LARP1: variants seen among roughly 807,000 people sequenced by gnomAD.
The protein encoded by LARP1 is La ribonucleoprotein 1, translational regulator.
In LARP1, 36 loss-of-function variants were observed where a neutral mutation model predicts 122.7. That is an observed-to-expected ratio of 0.29 (90% CI 0.22 to 0.39). LARP1 has a LOEUF of 0.39. LARP1 is among the 10% of genes least tolerant of loss of function. The probability of loss-of-function intolerance (pLI) is 1.00; values close to 1 mark genes in which losing one functional copy is unlikely to be tolerated. For missense variants in LARP1, 1,040 were observed against 1,403.6 expected, an observed-to-expected ratio of 0.74 and a Z score of 4.14; for synonymous variants, 539 against 528.7, an observed-to-expected ratio of 1.02 and a Z score of -0.27.
At chr5:154,761,207 C>T (rs963996804) in intron 1 of LARP1, among the ~76,000 whole-genome samples, 5 of 152,204 alleles carry the variant, frequency 3.3e-5, no homozygotes, top group Admixed American at 6.5e-5. Flanking sequence ...GGCCCCTTTC[C>T]TTTTGCACAG....
intron 1 of LARP1, among the ~76,000 whole-genome samples, chr5:154,707,134 A>T (rs1221615112): frequency 6.6e-6 from 1 of 152,112 alleles, no homozygotes; most frequent in African/African-American, 2.4e-5. Flanking sequence ...CAAAAGTTGT[A>T]GGGCCTGGGA....
Position 154,802,436 on chromosome 5 carries a change from T to G in LARP1, c.2109+37T>G, listed in dbSNP as rs75657991. 0.082 allele frequency: 127,427 copies of G among 1,547,102 alleles called. 6,038 individuals are homozygous for G. Among genetic ancestry groups the G allele is most frequent in the Admixed American group, 0.18 (9,517 of 52,022 alleles). On this transcript the variant is annotated intron_variant, in intron 11 of 18. Coordinates refer to ENST00000518297, the MANE Select transcript of LARP1 (RefSeq NM_033551.3). The surrounding 1 kb of genome is among the most constrained non-coding windows in gnomAD (Gnocchi z 5.1). ...ACATAGCAGTGAGTGTGGAGCCTGG[T>G]GTGCCTGTATTGTACGGAGAAGAGG...
intron 1 of LARP1, among the ~76,000 whole-genome samples, chr5:154,789,293 C>T (rs1757158885): frequency 1.4e-5 from 2 of 145,660 alleles, no homozygotes; most frequent in Non-Finnish European, 3.0e-5. Flanking sequence ...TATCTCGGCT[C>T]ACTGCAACCC....
chr5:154,795,332 C>A lies in LARP1; in HGVS notation c.1377+13C>A. 2 of 1,612,482 alleles carry A rather than the reference C, an allele frequency of 1.2e-6. No homozygotes were observed. The highest frequency in any genetic ancestry group is 1.7e-6 in the Non-Finnish European group (2 of 1,179,020). On this transcript the variant is annotated intron_variant, in intron 8 of 18. Transcript: ENST00000518297. ...ACTCATCTTTGCGGTATGTCTTCCT[C>A]CCTGGAGCTGGGATGCAGGGGAAAG...
intron 18 of LARP1, 103 bp from the exon 19 acceptor site, chr5:154,813,784 T>G (rs1210974909): frequency 2.2e-6 from 2 of 919,740 alleles, no homozygotes; most frequent in Admixed American, 4.1e-5. Context: ...CCATTCATTT[T>G]CTATATTTGG....
chr5:154,803,477 C>T lies in LARP1; in HGVS notation c.2234-63C>T. On this transcript the variant is annotated intron_variant, in intron 12 of 18. Transcript: ENST00000518297. This position sits in a 1 kb window ranked among gnomAD's most constrained non-coding sequence, Gnocchi z 4.4. ...GGATCTAGGGCCCTTGGACTGGGGG[C>T]TATCCTGGGGTGGATGCCACAGGCC... 1 of 1,613,964 alleles carries T rather than the reference C, an allele frequency of 6.2e-7. No homozygotes were observed.
At chr5:154,745,095 T>C (rs1358405491) in intron 1 of LARP1, among the ~76,000 whole-genome samples, 1 of 151,236 alleles carries the variant, frequency 6.6e-6, no homozygotes, top group Non-Finnish European at 1.5e-5. Flanking sequence ...ACCCAGCTAA[T>C]TTCTGTATTT....
At chr5:154,722,056 A>G (rs572132835) in intron 1 of LARP1, among the ~76,000 whole-genome samples, 42 of 151,870 alleles carry the variant, frequency 2.8e-4, no homozygotes, top group Admixed American at 2.5e-3. Flanking sequence ...ACAGCCCCCA[A>G]TTTCTCTCTG....
At chr5:154,756,362 G>T (rs1445928016) in intron 1 of LARP1, 169 bp downstream of exon 1, 2 of 974,758 alleles carry the variant, frequency 2.1e-6, no homozygotes, top group Non-Finnish European at 2.5e-6. Context: ...CCCCCCCACC[G>T]TACACTCAGG....
chr5:154,692,693 C>T (rs1754279624), intron 1 of LARP1, among the ~76,000 whole-genome samples: 1 of 152,204 alleles, frequency 6.6e-6, no homozygotes, highest in Non-Finnish European at 1.5e-5. Context: ...GGACCACACT[C>T]AGCATCACAC....
chr5:154,752,893 C>T (rs551105656), upstream of LARP1, among the ~76,000 whole-genome samples: 2 of 152,088 alleles, frequency 1.3e-5, no homozygotes, highest in Non-Finnish European at 1.5e-5. Flanking sequence ...GAGCTGAGAT[C>T]CCACCACTGC....
intron 1 of LARP1, among the ~76,000 whole-genome samples, chr5:154,771,418 C>G (rs1228348979): frequency 1.3e-5 from 2 of 152,214 alleles, no homozygotes; most frequent in African/African-American, 4.8e-5. Flanking sequence ...GATGACAAAA[C>G]AGGTGCTCGT....
intron 1 of LARP1, among the ~76,000 whole-genome samples, chr5:154,784,696 C>T (rs1405171941): frequency 1.3e-5 from 2 of 152,192 alleles, no homozygotes; most frequent in Admixed American, 6.5e-5. Flanking sequence ...TTCTCTCTGC[C>T]TCTTACCAGA....
chr5:154,735,067 C>T (rs1354839652), intron 1 of LARP1, among the ~76,000 whole-genome samples: 2 of 152,084 alleles, frequency 1.3e-5, no homozygotes, highest in East Asian at 3.9e-4. Context: ...TTTGCTTGTC[C>T]GTGTATCCAT....
At chr5:154,726,836 C>G (rs761697143) in intron 1 of LARP1, among the ~76,000 whole-genome samples, 1 of 152,204 alleles carries the variant, frequency 6.6e-6, no homozygotes, top group Non-Finnish European at 1.5e-5. Context: ...TGGCAGAAGT[C>G]ACCTCCGTAC....
intron 8 of LARP1, among the ~76,000 whole-genome samples, chr5:154,797,429 C>T (rs1045661234): frequency 6.6e-6 from 1 of 151,664 alleles, no homozygotes; most frequent in Non-Finnish European, 1.5e-5. Flanking sequence ...GATGGGGTTT[C>T]ACCATGTTGG....
chr5:154,726,421 G>A (rs1454411298), intron 1 of LARP1, among the ~76,000 whole-genome samples: 1 of 152,162 alleles, frequency 6.6e-6, no homozygotes, highest in Non-Finnish European at 1.5e-5. Flanking sequence ...CCACATGGCT[G>A]AAAACCAAGA....
intron 1 of LARP1, among the ~76,000 whole-genome samples, chr5:154,699,062 G>A (rs569091420): frequency 1.3e-5 from 2 of 152,264 alleles, no homozygotes; most frequent in Admixed American, 1.3e-4. Flanking sequence ...GCCTGGAAAA[G>A]GGCCCCTGGA....
At chr5:154,743,751 T>C (rs56374414) in intron 1 of LARP1, among the ~76,000 whole-genome samples, 27,521 of 151,776 alleles carry the variant, frequency 0.18, 3,428 homozygotes, top group African/African-American at 0.36. Context: ...TTTCAAGTAG[T>C]TGGGATTACA....
Sources: allele counts gnomAD v4.1 joint callset (sites outside exome capture counted in the v4.1 genomes callset), GRCh38; gene constraint gnomAD v4.1.1; non-coding constraint Gnocchi (gnomAD v3.1); transcripts MANE v1.5; gene names NCBI Gene and HGNC (gene_info 2026-07-23, HGNC 2026-07-21).